The following IFT88 variants were observed in gnomAD, a reference collection of about 807,000 sequenced individuals.
IFT88 encodes intraflagellar transport protein 88 homolog.
A neutral mutation model predicts 119.5 loss-of-function variants in IFT88; 74 were observed. The observed-to-expected ratio is 0.62, with a 90% confidence interval of 0.51 to 0.75. The LOEUF (loss-of-function observed/expected upper bound fraction) is 0.75. IFT88 is among the 30% of genes least tolerant of loss of function. The pLI is 0.00. For synonymous variants in IFT88, 279 were observed against 316.7 expected (o/e 0.88, Z 1.26); for missense variants, 961 against 977.7 (o/e 0.98, Z 0.23).
chr13:20,593,510 A>G (rs1256132996), intron 7 of IFT88, among the ~76,000 whole-genome samples: 1 of 151,782 alleles, frequency 6.6e-6, no homozygotes, highest in East Asian at 1.9e-4. Flanking sequence ...ATATGTTTTT[A>G]AATTGTAATT....
intron 14 of IFT88, among the ~76,000 whole-genome samples, chr13:20,621,589 CT>C (rs141994987): frequency 0.012 from 1,709 of 138,518 alleles, 35 homozygotes; most frequent in African/African-American, 0.045. Flanking sequence ...AATCCAAAGA[CT>C]TTTTTTTTAG....
intron 24 of IFT88, among the ~76,000 whole-genome samples, chr13:20,688,643 T>C (rs1217246992): frequency 6.6e-6 from 1 of 152,180 alleles, no homozygotes; most frequent in East Asian, 1.9e-4. Flanking sequence ...AGAAAAAGTA[T>C]GCATGCATGA....
At chr13:20,607,457 C>A in intron 13 of IFT88, 1 of 670,752 alleles carries the variant, frequency 1.5e-6, no homozygotes. Context: ...GTCACTCATC[C>A]CCATCATCAG....
Position 20,615,855 on chromosome 13 carries a change from C to T in IFT88, c.1175C>T (p.Thr392Ile), listed in dbSNP as rs771896937. 8.1e-6 allele frequency: 13 copies of T among 1,606,732 alleles called. No individual in the cohort carries two copies. The Admixed American group carries it at 1.2e-4, about 15-fold the overall frequency. Reference sequence around the variant, plus strand: ...AAACTCATTGCTCCTGTAATTGAAACATCTTTTGCTGCAGGTTATGATTGG... The same window carrying T: ...AAACTCATTGCTCCTGTAATTGAAATATCTTTTGCTGCAGGTTATGATTGG... ...SAKLIAPVIE[T>I]SFAAGYDWCV... The change falls in exon 14 of 26, where the codon ACA (threonine) becomes ATA (isoleucine). Residue 392 changes from threonine to isoleucine, a missense_variant. Thr to Ile is a moderately conservative substitution (Grantham distance 89). Transcript: ENST00000351808.
chr13:20,631,498 C>G, intron 16 of IFT88: 1 of 164,018 alleles, frequency 6.1e-6, no homozygotes, highest in East Asian at 1.7e-4. Context: ...TCACTGGATG[C>G]CAGTCATGGG....
At chr13:20,626,723 A>G (rs995924258) in intron 15 of IFT88, among the ~76,000 whole-genome samples, 2 of 152,270 alleles carry the variant, frequency 1.3e-5, no homozygotes. Context: ...CAGTCTCTCA[A>G]TTAGGACAGA....
At chr13:20,607,678 C>A in intron 13 of IFT88, 1 of 880,352 alleles carries the variant, frequency 1.1e-6, no homozygotes, top group Non-Finnish European at 1.9e-6. Context: ...TCCTGGTCAG[C>A]AGCGACTTGA....
At chr13:20,611,211 C>G (rs1434677931) in intron 13 of IFT88, among the ~76,000 whole-genome samples, 1 of 151,594 alleles carries the variant, frequency 6.6e-6, no homozygotes, top group East Asian at 1.9e-4. Context: ...AAAATGTTTT[C>G]AAGATTAAAA....
Position 20,601,662 on chromosome 13 carries a change from A to C in IFT88, c.813-43A>C, listed in dbSNP as rs376285146. 9.6e-4 allele frequency: 1,270 copies of C among 1,319,960 alleles called. 4 individuals carry two copies. Among genetic ancestry groups the C allele is most frequent in the Non-Finnish European group, 1.2e-3 (1,082 of 928,644 alleles). 81.8% of individuals were successfully genotyped at this position (1,319,960 alleles called of 1,614,324 possible). A position where few individuals can be genotyped will look rare whatever the true frequency, so the allele number is the denominator to read the frequency against. The stretch of plus-strand genomic sequence containing the variant: ...GTGAATGGTTTGAATGCCATACTAA[A>C]GAGTTCAGAATTTTAAAGCTAATCC... On this transcript the variant is annotated intron_variant, in intron 11 of 25. Coordinates refer to ENST00000351808, the MANE Select transcript of IFT88 (RefSeq NM_006531.5).
chr13:20,614,340 T>A (rs1283861133), intron 13 of IFT88: 1 of 152,214 alleles, frequency 6.6e-6, no homozygotes, highest in Admixed American at 6.5e-5. Flanking sequence ...TTTTGTCACA[T>A]GCTTTTTCTG....
intron 24 of IFT88, among the ~76,000 whole-genome samples, chr13:20,677,732 T>A (rs183803627): frequency 5.9e-4 from 90 of 152,352 alleles, no homozygotes; most frequent in African/African-American, 1.9e-3. Flanking sequence ...AGAGGCTAAA[T>A]TGAATATCAT....
chr13:20,656,122 T>TAAAAAAAAAAA (rs60352862), intron 21 of IFT88, among the ~76,000 whole-genome samples: 16,983 of 104,240 alleles, frequency 0.16, 1,944 homozygotes, highest in African/African-American at 0.26. Flanking sequence ...CTCGTCTCTT[T>TAAAAAAAAAAA]AAAAAAAAAA....
At chr13:20,596,266 T>G (rs374436529) in intron 8 of IFT88, 26 bp downstream of exon 8, 1 of 1,071,454 alleles carries the variant, frequency 9.3e-7, no homozygotes, top group African/African-American at 1.6e-5. Flanking sequence ...AGATTCAAAA[T>G]TATGAAGCAT....
intron 18 of IFT88, chr13:20,641,836 G>C (rs1212417734): frequency 1.3e-5 from 2 of 154,892 alleles, no homozygotes; most frequent in Non-Finnish European, 2.9e-5. Context: ...CTGGCCTGTA[G>C]ATATAATGAG....
At chr13:20,657,492 G>A (rs921891012) in intron 22 of IFT88, among the ~76,000 whole-genome samples, 2 of 152,158 alleles carry the variant, frequency 1.3e-5, no homozygotes, top group South Asian at 4.1e-4. Context: ...GGAAGAAGAA[G>A]TATCTCTTCA....
chr13:20,612,801 AC>A (rs2044809362), intron 13 of IFT88, among the ~76,000 whole-genome samples: 1 of 152,206 alleles, frequency 6.6e-6, no homozygotes, highest in South Asian at 2.1e-4. Flanking sequence ...AAAAACTCTT[AC>A]GTTTATAGCC....
At chr13:20,645,449 A>G (rs1181179023) in intron 20 of IFT88, among the ~76,000 whole-genome samples, 1 of 152,104 alleles carries the variant, frequency 6.6e-6, no homozygotes, top group Non-Finnish European at 1.5e-5. Context: ...TGTGATAAAT[A>G]TATTTCCCTT....
At chr13:20,685,039 A>G (rs1417712052) in intron 24 of IFT88, among the ~76,000 whole-genome samples, 2 of 152,254 alleles carry the variant, frequency 1.3e-5, no homozygotes, top group Non-Finnish European at 2.9e-5. Flanking sequence ...CACAAACGGA[A>G]TCTGACCCAC....
chr13:20,668,568 A>G (rs1423347878), intron 23 of IFT88, among the ~76,000 whole-genome samples: 6 of 152,224 alleles, frequency 3.9e-5, no homozygotes, highest in Non-Finnish European at 1.5e-5. Flanking sequence ...GGTGGAGTTC[A>G]CTGATTCTCA....
Sources: gnomAD v4.1 joint callset for allele counts (sites outside exome capture counted in the v4.1 genomes callset) on GRCh38, gnomAD v4.1.1 for gene constraint, MANE v1.5 for transcripts, NCBI Gene and HGNC (gene_info 2026-07-23, HGNC 2026-07-21) for gene names.